PRMT8: variants seen among roughly 807,000 people sequenced by gnomAD.
PRMT8 encodes protein arginine methyltransferase 8.
Under a neutral mutation model 47.1 loss-of-function variants are expected in PRMT8, and 7 were observed. The ratio of observed to expected loss-of-function variants is 0.15; its 90% confidence interval spans 0.08 to 0.28. The LOEUF is 0.28. PRMT8 is among the 10% of genes least tolerant of loss of function. The pLI is 1.00. For synonymous variants in PRMT8, 188 were observed against 186.5 expected (o/e 1.01, Z -0.07); for missense variants, 237 against 505.4 (o/e 0.47, Z 5.09).
At chr12:3,512,351 C>T (rs2137130881) in intron 1 of PRMT8, among the ~76,000 whole-genome samples, 1 of 152,308 alleles carries the variant, frequency 6.6e-6, no homozygotes, top group Non-Finnish European at 1.5e-5. Context: ...TCTTCTACAT[C>T]TTGGGACATC....
At chr12:3,418,677 A>G (rs1864508212) in intron 1 of PRMT8, among the ~76,000 whole-genome samples, 1 of 151,926 alleles carries the variant, frequency 6.6e-6, no homozygotes, top group Non-Finnish European at 1.5e-5. Flanking sequence ...ACCCCACTTT[A>G]CTGGGTCCTA....
intron 2 of PRMT8, among the ~76,000 whole-genome samples, chr12:3,544,378 C>T (rs766762358): frequency 3.9e-5 from 6 of 152,140 alleles, no homozygotes; most frequent in Admixed American, 1.3e-4. Flanking sequence ...GCCAAAAAAG[C>T]GACAAAGGCA....
rs1462368777 is a variant in PRMT8 at position 3,572,421 on chromosome 12, A to G, written c.712+2857A>G. Among the ~76,000 whole-genome samples the G allele has an allele frequency of 6.6e-6, 1 of 152,048 alleles. No homozygotes were observed. The highest frequency in any genetic ancestry group is 2.4e-5 in the African/African-American group (1 of 41,388). ...TATTCAATTTCATGCACAACCCATG[A>G]ATTGTACCCAGTGCATGAATCTACA... On this transcript the variant is annotated intron_variant, in intron 6 of 9. Transcript: ENST00000382622. This position sits in a 1 kb window ranked among gnomAD's most constrained non-coding sequence, Gnocchi z 5.9.
At chr12:3,487,306 A>G (rs1370397072), upstream of PRMT8, among the ~76,000 whole-genome samples, 2 of 152,228 alleles carry the variant, frequency 1.3e-5, no homozygotes, top group Middle Eastern at 3.4e-3. Flanking sequence ...AGCAGCAACG[A>G]CCATTGGAAC....
chr12:3,587,121 G>T (rs1867195228), intron 8 of PRMT8, among the ~76,000 whole-genome samples: 1 of 151,222 alleles, frequency 6.6e-6, no homozygotes, highest in Non-Finnish European at 1.5e-5. Flanking sequence ...CTTGGCTCAT[G>T]CCATATGTCA....
chr12:3,489,366 CAG>C (rs1865351641), upstream of PRMT8, among the ~76,000 whole-genome samples: 3 of 151,950 alleles, frequency 2.0e-5, no homozygotes, highest in South Asian at 6.3e-4. Context: ...TGGGTGGGGG[CAG>C]AGTGTCGGAC....
At chr12:3,437,966 G>A (rs1864762318) in intron 1 of PRMT8, among the ~76,000 whole-genome samples, 2 of 152,174 alleles carry the variant, frequency 1.3e-5, no homozygotes, top group Admixed American at 1.3e-4. Flanking sequence ...TCTCACTGCT[G>A]TAATTGAAGA....
chr12:3,529,974 G>A (rs1211247145), intron 1 of PRMT8, among the ~76,000 whole-genome samples: 1 of 152,170 alleles, frequency 6.6e-6, no homozygotes, highest in Non-Finnish European at 1.5e-5. Flanking sequence ...ATCTGTATTT[G>A]AAGCCACTTG....
chr12:3,392,665 T>C (rs1247544045), intron 1 of PRMT8, among the ~76,000 whole-genome samples: 1 of 152,070 alleles, frequency 6.6e-6, no homozygotes. Flanking sequence ...AATGCCGCAA[T>C]AAACATACGT....
chr12:3,445,254 G>A (rs1864845680), intron 1 of PRMT8, among the ~76,000 whole-genome samples: 1 of 152,222 alleles, frequency 6.6e-6, no homozygotes, highest in African/African-American at 2.4e-5. Context: ...GGTGCCCAGG[G>A]AAAGGTGGCC....
chr12:3,474,330 G>T (rs931737960), intron 1 of PRMT8, among the ~76,000 whole-genome samples: 6 of 152,100 alleles, frequency 3.9e-5, no homozygotes, highest in Non-Finnish European at 8.8e-5. Context: ...TGTATAATGG[G>T]GGTACCCTGC....
At chr12:3,457,493 G>T (rs535897039) in intron 1 of PRMT8, among the ~76,000 whole-genome samples, 2 of 152,118 alleles carry the variant, frequency 1.3e-5, no homozygotes, top group South Asian at 4.2e-4. Flanking sequence ...AATTTTTGTA[G>T]AGACGGGGTC....
intron 1 of PRMT8, among the ~76,000 whole-genome samples, chr12:3,420,512 G>T (rs1281490054): frequency 6.6e-6 from 1 of 152,222 alleles, no homozygotes; most frequent in African/African-American, 2.4e-5. Context: ...GCCAGACGCT[G>T]TGACAGCCTC....
At position 3,409,552 on chromosome 12, in the gene PRMT8, G is replaced by C. The variant is rs1251374578; in HGVS notation, c.48+28110G>C. On this transcript the variant is annotated intron_variant, in intron 1 of 9. Transcript: ENST00000452611. This position sits in a 1 kb window ranked among gnomAD's most constrained non-coding sequence, Gnocchi z 4.4. ...ATGACTCTATTCATCGAGGAGGTGG[G>C]GTGCTTCAGCAGCTCCGAATCTGGG... Among the ~76,000 whole-genome samples the C allele has an allele frequency of 1.4e-5, 2 of 147,846 alleles. No individual in the cohort carries two copies. The highest frequency in any genetic ancestry group is 3.0e-5 in the Non-Finnish European group (2 of 67,248).
chr12:3,543,339 G>A (rs139350978), intron 2 of PRMT8, among the ~76,000 whole-genome samples: 6 of 152,266 alleles, frequency 3.9e-5, no homozygotes, highest in African/African-American at 9.6e-5. Context: ...ACCATTCTTC[G>A]CAGAGAGAAG....
At chr12:3,419,033 G>A (rs1864511422) in intron 1 of PRMT8, among the ~76,000 whole-genome samples, 1 of 152,254 alleles carries the variant, frequency 6.6e-6, no homozygotes, top group African/African-American at 2.4e-5. Flanking sequence ...GGGTTGCCCA[G>A]GCGATACACA....
chr12:3,556,747 G>A (rs9669267), intron 4 of PRMT8, among the ~76,000 whole-genome samples: 67,243 of 151,704 alleles, frequency 0.44, 15,174 homozygotes, highest in East Asian at 0.63. Flanking sequence ...AAGATTGCAG[G>A]TGCAGGAAAA....
intron 1 of PRMT8, among the ~76,000 whole-genome samples, chr12:3,394,408 T>C (rs1864227755): frequency 6.6e-6 from 1 of 151,906 alleles, no homozygotes; most frequent in African/African-American, 2.4e-5. Context: ...TTATTGAGAG[T>C]TTTTAGCATG....
At chr12:3,507,902 G>A (rs1352879290) in intron 1 of PRMT8, among the ~76,000 whole-genome samples, 1 of 151,874 alleles carries the variant, frequency 6.6e-6, no homozygotes, top group African/African-American at 2.4e-5. Flanking sequence ...GGGATTATAG[G>A]TGTGTGCCAC....
Sources: allele counts gnomAD v4.1 joint callset (sites outside exome capture counted in the v4.1 genomes callset), GRCh38; gene constraint gnomAD v4.1.1; non-coding constraint Gnocchi (gnomAD v3.1); transcripts MANE v1.5; gene names NCBI Gene and HGNC (gene_info 2026-07-23, HGNC 2026-07-21).